The following AFF3 variants were observed in gnomAD, a reference collection of about 807,000 sequenced individuals.
AFF3 encodes ALF transcription elongation factor 3, also known as AF4/FMR2 family member 3.
In AFF3, 32 loss-of-function variants were observed where a neutral mutation model predicts 129.7. The observed-to-expected ratio is 0.25, with a 90% confidence interval of 0.19 to 0.33. AFF3 has a LOEUF of 0.33. Ranked by LOEUF, AFF3 falls within the 10% of genes least tolerant of loss-of-function variation. The probability of loss-of-function intolerance (pLI) is 1.00; values close to 1 mark genes in which losing one functional copy is unlikely to be tolerated. For missense variants in AFF3, 1,373 were observed against 1,592.0 expected (o/e 0.86, Z 2.34); for synonymous variants, 644 against 635.4 (o/e 1.01, Z -0.20).
intron 12 of AFF3, among the ~76,000 whole-genome samples, chr2:99,658,352 G>A (rs1198587277): frequency 6.6e-6 from 1 of 152,076 alleles, no homozygotes; most frequent in Non-Finnish European, 1.5e-5. Flanking sequence ...TCTGAAGTGG[G>A]AGGATGATGG....
chr2:99,761,030 G>T (rs1453537088), intron 8 of AFF3, among the ~76,000 whole-genome samples: 1 of 151,708 alleles, frequency 6.6e-6, no homozygotes, highest in African/African-American at 2.4e-5. Flanking sequence ...CGAGTAGCTG[G>T]AACACAGGTG....
chr2:99,702,430 C>T (rs1026905450), intron 11 of AFF3, among the ~76,000 whole-genome samples: 2 of 152,180 alleles, frequency 1.3e-5, no homozygotes, highest in Admixed American at 6.5e-5. Flanking sequence ...ACCTCCGCCT[C>T]CCAGGTTCAA....
At chr2:99,830,662 A>G (rs891833570) in intron 8 of AFF3, among the ~76,000 whole-genome samples, 2 of 152,152 alleles carry the variant, frequency 1.3e-5, no homozygotes, top group Non-Finnish European at 2.9e-5. Flanking sequence ...GAGGCAGGAG[A>G]ATTGCTTGAA....
intron 7 of AFF3, among the ~76,000 whole-genome samples, chr2:99,938,047 T>C (rs1674689052): frequency 6.6e-6 from 1 of 152,180 alleles, no homozygotes. Context: ...CTCAGGTTAG[T>C]GGCTTCTCAG....
chr2:99,820,405 C>T (rs550739701), intron 8 of AFF3, among the ~76,000 whole-genome samples: 6 of 152,020 alleles, frequency 3.9e-5, no homozygotes, highest in Non-Finnish European at 8.8e-5. Flanking sequence ...AATGGTCCAT[C>T]TGTATAGGGC....
intron 12 of AFF3, among the ~76,000 whole-genome samples, chr2:99,660,939 T>C (rs1006773939): frequency 1.3e-5 from 2 of 152,184 alleles, no homozygotes; most frequent in African/African-American, 4.8e-5. Context: ...AAGCTGGGCT[T>C]GTGAGATAAC....
At chr2:100,058,413 T>A (rs2105206088) in intron 4 of AFF3, among the ~76,000 whole-genome samples, 1 of 152,198 alleles carries the variant, frequency 6.6e-6, no homozygotes, top group African/African-American at 2.4e-5. Flanking sequence ...AAAGCAAAAA[T>A]AATATTTACA....
intron 7 of AFF3, among the ~76,000 whole-genome samples, chr2:99,867,403 A>G (rs528373207): frequency 1.3e-4 from 20 of 152,164 alleles, no homozygotes; most frequent in African/African-American, 4.8e-4. Context: ...ACAGGAGGAC[A>G]AGCTGAGGAG....
intron 7 of AFF3, among the ~76,000 whole-genome samples, chr2:99,929,454 A>G (rs1230757021): frequency 2.6e-5 from 4 of 152,240 alleles, no homozygotes; most frequent in Non-Finnish European, 4.4e-5. Flanking sequence ...CAACAGAAAG[A>G]ACCTAATCAT....
At chr2:99,665,596 C>T (rs1336238684) in intron 12 of AFF3, among the ~76,000 whole-genome samples, 7 of 152,168 alleles carry the variant, frequency 4.6e-5, no homozygotes, top group Non-Finnish European at 8.8e-5. Flanking sequence ...GTGAGACATC[C>T]AAGTGGAAAA....
chr2:100,088,492 C>T (rs1689622131), intron 4 of AFF3, among the ~76,000 whole-genome samples: 1 of 150,894 alleles, frequency 6.6e-6, no homozygotes, highest in Non-Finnish European at 1.5e-5. Flanking sequence ...GCTTTTAAAA[C>T]TATCTATGAT....
intron 7 of AFF3, among the ~76,000 whole-genome samples, chr2:99,937,639 C>T (rs991825293): frequency 1.2e-4 from 18 of 152,234 alleles, no homozygotes; most frequent in South Asian, 4.1e-4. Flanking sequence ...CCTTGTGATC[C>T]GCCCGCCTCG....
intron 3 of AFF3, chr2:100,105,238 C>G: frequency 9.6e-7 from 1 of 1,041,826 alleles, no homozygotes; most frequent in South Asian, 1.8e-5. Flanking sequence ...TGGGCGCTCC[C>G]GCGGGCGGCG....
At chr2:99,877,665 A>G (rs934813329) in intron 7 of AFF3, among the ~76,000 whole-genome samples, 6 of 152,242 alleles carry the variant, frequency 3.9e-5, no homozygotes, top group Non-Finnish European at 7.3e-5. Context: ...GATTAAATGA[A>G]AACATAAAAC....
chr2:100,063,071 T>G (rs1559098220), intron 4 of AFF3, among the ~76,000 whole-genome samples: 1 of 151,970 alleles, frequency 6.6e-6, no homozygotes, highest in East Asian at 1.9e-4. Context: ...GCCAACATGG[T>G]GAAACCCCGT....
At chr2:99,665,112 T>C (rs1379402949) in intron 12 of AFF3, among the ~76,000 whole-genome samples, 1 of 152,160 alleles carries the variant, frequency 6.6e-6, no homozygotes, top group East Asian at 1.9e-4. Context: ...GAGCTCAGTG[T>C]GAAGATGAGA....
At chr2:99,583,335 T>C (rs928312563) in intron 16 of AFF3, among the ~76,000 whole-genome samples, 1 of 152,172 alleles carries the variant, frequency 6.6e-6, no homozygotes, top group Non-Finnish European at 1.5e-5. Context: ...CTAACAAGCA[T>C]AAGGAGCAAG....
intron 11 of AFF3, among the ~76,000 whole-genome samples, chr2:99,683,601 C>T (rs751951561): frequency 6.6e-6 from 1 of 151,852 alleles, no homozygotes; most frequent in Non-Finnish European, 1.5e-5. Flanking sequence ...AGGTGGCCCA[C>T]CATGCCTGGC....
rs1676597397 is a variant in AFF3, at chr2:99,572,547, T to C, written c.2919-3632A>G. ...AAAACTGGCAGGGATGAGAGCTCAA[T>C]GTGTTTGAACAACAAGTTCCTCGGC... On this transcript the variant is annotated intron_variant, in intron 18 of 24. Transcript: ENST00000672756. The C allele has an allele frequency of 1.3e-5, 6 of 454,146 alleles. No homozygotes were observed. The Admixed American group carries it at 1.4e-4, about 11-fold the overall frequency. 28.1% of individuals were successfully genotyped at this position (454,146 alleles called of 1,614,324 possible).
Sources: gnomAD v4.1 joint callset for allele counts (sites outside exome capture counted in the v4.1 genomes callset) on GRCh38, gnomAD v4.1.1 for gene constraint, MANE v1.5 for transcripts, NCBI Gene and HGNC (gene_info 2026-07-23, HGNC 2026-07-21) for gene names.